UST: variants seen among roughly 807,000 people sequenced by gnomAD.
The protein encoded by UST is chondroitin sulfate 2-O-sulfotransferase.
In UST, 21 loss-of-function variants were observed where a neutral mutation model predicts 45.6. That is an observed-to-expected ratio of 0.46 (90% confidence interval 0.33 to 0.66). UST has a LOEUF of 0.66. Ranked by LOEUF, UST falls within the 30% of genes least tolerant of loss-of-function variation. The pLI, the probability that UST is intolerant of heterozygous loss-of-function variation, is 0.02. For missense variants in UST, 463 were observed against 512.4 expected, an observed-to-expected ratio of 0.90 and a Z score of 0.93; for synonymous variants, 215 against 200.6, an observed-to-expected ratio of 1.07 and a Z score of -0.61.
chr6:148,896,080 G>A (rs1263065811), intron 2 of UST, among the ~76,000 whole-genome samples: 1 of 152,218 alleles, frequency 6.6e-6, no homozygotes, highest in Non-Finnish European at 1.5e-5. Flanking sequence ...GGTATTGGGA[G>A]TACAATGACC....
chr6:149,009,569 A>ACACACACG (rs1775770403), intron 5 of UST, among the ~76,000 whole-genome samples: 1 of 141,554 alleles, frequency 7.1e-6, no homozygotes, highest in South Asian at 2.4e-4. Flanking sequence ...AAACACACAC[A>ACACACACG]CACACACACA....
intron 5 of UST, among the ~76,000 whole-genome samples, chr6:148,986,677 A>G (rs978256083): frequency 4.6e-5 from 7 of 152,256 alleles, no homozygotes; most frequent in Admixed American, 2.0e-4. Context: ...TCTATGCTAC[A>G]GACAATTGGC....
At chr6:148,893,937 G>C (rs1227800000) in intron 2 of UST, among the ~76,000 whole-genome samples, 1 of 152,078 alleles carries the variant, frequency 6.6e-6, no homozygotes, top group East Asian at 1.9e-4. Flanking sequence ...AGGATCGCTT[G>C]AGCCCAGAGA....
At chr6:148,928,844 A>C (rs892374593) in intron 2 of UST, among the ~76,000 whole-genome samples, 9 of 152,210 alleles carry the variant, frequency 5.9e-5, no homozygotes, top group African/African-American at 2.2e-4. Context: ...GTGTGGAGTT[A>C]ATCTCCCAGC....
intron 2 of UST, among the ~76,000 whole-genome samples, chr6:148,908,035 A>G (rs1004126040): frequency 1.3e-5 from 2 of 150,670 alleles, no homozygotes; most frequent in African/African-American, 4.9e-5. Context: ...CAGCCTCCCG[A>G]GTAGCTGGGA....
chr6:148,867,325 CACATAT>C lies in UST; in HGVS notation c.248-19659_248-19654del, dbSNP rs748479188. ...ACACACACACACACACACACACACA[CACATAT>C]ATATGTACGTATGTATGTATTTTTG... On this transcript the variant is annotated intron_variant, in intron 1 of 7. Coordinates refer to ENST00000367463, the MANE Select transcript of UST (RefSeq NM_005715.3). 3.6e-4 allele frequency among the ~76,000 whole-genome samples: 33 copies of C among 92,824 alleles called. 1 individual carries two copies. The highest frequency in any genetic ancestry group is 1.4e-3 in the African/African-American group (27 of 19,154). 60.9% of individuals were successfully genotyped at this position (92,824 alleles called of 152,430 possible).
At chr6:148,806,298 T>G (rs1365653015) in intron 1 of UST, among the ~76,000 whole-genome samples, 1 of 152,204 alleles carries the variant, frequency 6.6e-6, no homozygotes, top group Non-Finnish European at 1.5e-5. Flanking sequence ...GTGGTCACTA[T>G]CCAAGCTTAG....
At chr6:148,980,222 C>A in intron 5 of UST, among the ~76,000 whole-genome samples, 1 of 152,074 alleles carries the variant, frequency 6.6e-6, no homozygotes, top group East Asian at 1.9e-4. Flanking sequence ...ATACCATGCT[C>A]CTGATTTTTT....
chr6:148,848,903 G>A (rs1778050881), intron 1 of UST, among the ~76,000 whole-genome samples: 1 of 152,086 alleles, frequency 6.6e-6, no homozygotes, highest in Non-Finnish European at 1.5e-5. Flanking sequence ...GAACCAAGGA[G>A]GCTAGTGCTG....
chr6:148,789,272 C>G (rs1386641747), intron 1 of UST, among the ~76,000 whole-genome samples: 1 of 152,066 alleles, frequency 6.6e-6, no homozygotes, highest in African/African-American at 2.4e-5. Flanking sequence ...AATGTGTGTT[C>G]TGAGTCAGCA....
intron 5 of UST, among the ~76,000 whole-genome samples, chr6:148,980,639 A>G (rs1482934220): frequency 6.6e-6 from 1 of 152,210 alleles, no homozygotes; most frequent in African/African-American, 2.4e-5. Context: ...CAAGCTTCTG[A>G]CATCATCTTT....
At position 149,021,884 on chromosome 6, in the gene UST, C is replaced by T. The variant is rs978031233; in HGVS notation, c.937+403C>T. On this transcript the variant is annotated intron_variant, in intron 7 of 7. Coordinates refer to ENST00000367463, the MANE Select transcript of UST (RefSeq NM_005715.3). ...CCTGGACTCCATTGATGGAAACATG[C>T]GTGAGTATGAAAGAGCCATCCTTGT... Among the ~76,000 whole-genome samples, 62 of 152,286 alleles carry T rather than the reference C, an allele frequency of 4.1e-4. 1 individual carries two copies. Among genetic ancestry groups the T allele is most frequent in the Admixed American group, 2.7e-3 (42 of 15,292 alleles).
chr6:149,052,787 AT>A (rs1562340605), intron 7 of UST, among the ~76,000 whole-genome samples: 1 of 152,086 alleles, frequency 6.6e-6, no homozygotes, highest in Non-Finnish European at 1.5e-5. Context: ...ACTTTGTTTT[AT>A]TTTTTTGTTG....
chr6:148,753,099 C>A (rs1776021461), intron 1 of UST, among the ~76,000 whole-genome samples: 1 of 152,120 alleles, frequency 6.6e-6, no homozygotes, highest in African/African-American at 2.4e-5. Flanking sequence ...AAATAAAGTA[C>A]ATTTCAGCAT....
At chr6:149,030,162 A>G (rs925485446) in intron 7 of UST, among the ~76,000 whole-genome samples, 7 of 152,112 alleles carry the variant, frequency 4.6e-5, no homozygotes, top group African/African-American at 1.4e-4. Context: ...GAGGCTGAAC[A>G]ACTTGCTCAC....
intron 3 of UST, among the ~76,000 whole-genome samples, chr6:148,950,918 A>ACT (rs1308452652): frequency 6.6e-6 from 1 of 152,234 alleles, no homozygotes; most frequent in Non-Finnish European, 1.5e-5. Flanking sequence ...ATTGCCTGAT[A>ACT]CAGAGGGGAG....
chr6:148,777,698 C>T lies in UST; in HGVS notation c.247+30021C>T, dbSNP rs939894091. ...TAGCTGGGATTATGGGCACCTGCCA[C>T]CACACCCAGCTACTTTTTGTACCTT... On this transcript the variant is annotated intron_variant, in intron 1 of 7. Coordinates refer to ENST00000367463, the MANE Select transcript of UST (RefSeq NM_005715.3). 3.3e-5 allele frequency among the ~76,000 whole-genome samples: 5 copies of T among 152,180 alleles called. No individual in the cohort carries two copies. In the South Asian group the frequency reaches 1.0e-3, roughly 31 times the overall value.
At position 148,882,508 on chromosome 6, in the gene UST, A is replaced by AAAAAAAAT. The variant is rs34432777; in HGVS notation, c.248-4478_248-4477insAAAAAAAT. Among the ~76,000 whole-genome samples the AAAAAAAAT allele has an allele frequency of 2.8e-5, 4 of 144,790 alleles. No homozygotes were observed. The East Asian group carries it at 7.9e-4, about 29-fold the overall frequency. 95.0% of individuals were successfully genotyped at this position (144,790 alleles called of 152,430 possible). On this transcript the variant is annotated intron_variant, in intron 1 of 7. Transcript: ENST00000367463. ...TCTCAAAAAAAAAAAAAAAAAAAAA[A>AAAAAAAAT]GAGTTGTCTCATTTCTGTGATGTGA...
chr6:148,796,292 T>A (rs1310878235), intron 1 of UST, among the ~76,000 whole-genome samples: 3 of 152,224 alleles, frequency 2.0e-5, no homozygotes, highest in Non-Finnish European at 4.4e-5. Context: ...GAAATTTTCT[T>A]GATAACAGAA....
Sources: gnomAD v4.1 joint callset for allele counts (sites outside exome capture counted in the v4.1 genomes callset) on GRCh38, gnomAD v4.1.1 for gene constraint, MANE v1.5 for transcripts, NCBI Gene and HGNC (gene_info 2026-07-23, HGNC 2026-07-21) for gene names.